CELF2: variants seen among roughly 807,000 people sequenced by gnomAD.
CELF2 encodes CUG triplet repeat RNA-binding protein 2.
CELF2 carries 8 observed loss-of-function variants against 62.6 expected under a neutral mutation model. That is an observed-to-expected ratio of 0.13 (90% CI 0.07 to 0.23). The LOEUF is 0.23. CELF2 is among the 10% of genes least tolerant of loss of function. The pLI is 1.00. For synonymous variants in CELF2, 258 were observed against 250.0 expected (o/e 1.03, Z -0.30); for missense variants, 333 against 671.0 (o/e 0.50, Z 5.56).
chr10:10,589,149 C>G, the CELF2 span, among the ~76,000 whole-genome samples: 2 of 152,128 alleles, frequency 1.3e-5, no homozygotes, highest in Non-Finnish European at 2.9e-5. Flanking sequence ...GGCAGGACAA[C>G]TGGAAGTGGG....
At chr10:10,744,652 G>A in the CELF2 span, among the ~76,000 whole-genome samples, 2 of 151,834 alleles carry the variant, frequency 1.3e-5, no homozygotes, top group Non-Finnish European at 1.5e-5. Flanking sequence ...GCATTTATCT[G>A]TGACTATTAT....
intron 1 of CELF2, among the ~76,000 whole-genome samples, chr10:11,094,318 G>T (rs1690734687): frequency 6.6e-6 from 1 of 152,202 alleles, no homozygotes; most frequent in African/African-American, 2.4e-5. Flanking sequence ...CATGGCGTTG[G>T]AAGAAAAGTT....
the CELF2 span, among the ~76,000 whole-genome samples, chr10:10,755,402 C>T: frequency 4.9e-4 from 75 of 152,274 alleles, no homozygotes; most frequent in African/African-American, 1.7e-3. Flanking sequence ...TCAACAATAC[C>T]GGCATTTACT....
At chr10:10,694,973 C>T in the CELF2 span, among the ~76,000 whole-genome samples, 1 of 151,060 alleles carries the variant, frequency 6.6e-6, no homozygotes, top group Admixed American at 6.6e-5. Context: ...TCCAATTTGC[C>T]AGTCTGTGTC....
the CELF2 span, among the ~76,000 whole-genome samples, chr10:10,763,891 A>G: frequency 1.3e-5 from 2 of 152,218 alleles, no homozygotes; most frequent in African/African-American, 4.8e-5. Context: ...TACTCTCTTT[A>G]GTGACTCTCT....
the CELF2 span, among the ~76,000 whole-genome samples, chr10:10,690,882 AAAAC>A: frequency 7.2e-5 from 11 of 152,282 alleles, no homozygotes; most frequent in East Asian, 2.1e-3. Flanking sequence ...CTGTCTCGAA[AAAAC>A]AAACAAATAC....
At chr10:11,264,166 G>A (rs541469450) in intron 5 of CELF2, among the ~76,000 whole-genome samples, 5 of 152,176 alleles carry the variant, frequency 3.3e-5, no homozygotes, top group East Asian at 3.8e-4. Context: ...TTAATTGCAC[G>A]GTTGTTAGAG....
chr10:10,755,736 C>T, the CELF2 span, among the ~76,000 whole-genome samples: 18 of 152,316 alleles, frequency 1.2e-4, no homozygotes, highest in Admixed American at 9.8e-4. Flanking sequence ...GATCTTAGTA[C>T]AGTCACTCTT....
the CELF2 span, among the ~76,000 whole-genome samples, chr10:10,522,631 G>A: frequency 3.9e-4 from 59 of 152,238 alleles, no homozygotes; most frequent in South Asian, 6.2e-4. Flanking sequence ...ATGCAATGGC[G>A]CAATCTTGGC....
the CELF2 span, among the ~76,000 whole-genome samples, chr10:10,595,433 A>C: frequency 9.2e-5 from 14 of 152,336 alleles, no homozygotes; most frequent in African/African-American, 2.9e-4. Flanking sequence ...TGATAAGGAC[A>C]TACTGAAAGT....
intron 1 of CELF2, among the ~76,000 whole-genome samples, chr10:11,020,522 C>T (rs1432623569): frequency 6.6e-6 from 1 of 151,912 alleles, no homozygotes; most frequent in Non-Finnish European, 1.5e-5. Context: ...GATAGCCATG[C>T]GGATTTATTG....
intron 1 of CELF2, among the ~76,000 whole-genome samples, chr10:11,078,494 G>A (rs537539330): frequency 2.6e-5 from 4 of 152,210 alleles, no homozygotes; most frequent in African/African-American, 9.6e-5. Context: ...TCATTTTAAT[G>A]CTTGACCCAT....
At chr10:10,926,356 T>C (rs978649231) in intron 2 of CELF2, among the ~76,000 whole-genome samples, 1 of 152,152 alleles carries the variant, frequency 6.6e-6, no homozygotes, top group African/African-American at 2.4e-5. Flanking sequence ...GAGGACCCAA[T>C]GTTTGTCTTC....
chr10:10,520,370 C>A, the CELF2 span, among the ~76,000 whole-genome samples: 1 of 152,128 alleles, frequency 6.6e-6, no homozygotes, highest in Non-Finnish European at 1.5e-5. Flanking sequence ...GTCCAGCCTC[C>A]AGGGTTAGGG....
intron 1 of CELF2, among the ~76,000 whole-genome samples, chr10:11,158,661 G>A (rs1450039288): frequency 1.3e-5 from 2 of 152,156 alleles, no homozygotes; most frequent in East Asian, 3.9e-4. Flanking sequence ...CCTTTTACTA[G>A]CAGTCACATT....
chr10:11,098,843 G>A lies in CELF2; in HGVS notation c.75-66643G>A, dbSNP rs963417158. Reference sequence around the variant, plus strand: ...TCTGCACCGGGTGATAATTCTACCTGGGCAGCAGGCCACGCGTGAGAGCAG... The same window carrying A: ...TCTGCACCGGGTGATAATTCTACCTAGGCAGCAGGCCACGCGTGAGAGCAG... On this transcript the variant is annotated intron_variant, in intron 1 of 12. Coordinates refer to ENST00000633077, the MANE Select transcript of CELF2 (RefSeq NM_001326342.2). This position sits in a 1 kb window ranked among gnomAD's most constrained non-coding sequence, Gnocchi z 4.0. Among the ~76,000 whole-genome samples the A allele has an allele frequency of 2.6e-5, 4 of 152,154 alleles. No individual in the cohort carries two copies. The highest frequency in any genetic ancestry group is 2.6e-4 in the Admixed American group (4 of 15,276).
At chr10:11,038,614 C>G (rs1337690527) in intron 1 of CELF2, among the ~76,000 whole-genome samples, 1 of 152,094 alleles carries the variant, frequency 6.6e-6, no homozygotes, top group African/African-American at 2.4e-5. Flanking sequence ...CAGTACACCA[C>G]TATAAAAATG....
At chr10:11,281,913 T>G (rs1208667016) in intron 8 of CELF2, among the ~76,000 whole-genome samples, 1 of 152,162 alleles carries the variant, frequency 6.6e-6, no homozygotes, top group Non-Finnish European at 1.5e-5. Context: ...ACAAAATTCG[T>G]ACTGGCCCCA....
At chr10:10,506,032 A>G in the CELF2 span, among the ~76,000 whole-genome samples, 1 of 152,200 alleles carries the variant, frequency 6.6e-6, no homozygotes, top group Non-Finnish European at 1.5e-5. Flanking sequence ...GGAATAAGGA[A>G]AAGTGTGTCT....
Sources: gnomAD v4.1 joint callset for allele counts (sites outside exome capture counted in the v4.1 genomes callset) on GRCh38, gnomAD v4.1.1 for gene constraint, Gnocchi (gnomAD v3.1) non-coding constraint, MANE v1.5 for transcripts, NCBI Gene and HGNC (gene_info 2026-07-23, HGNC 2026-07-21) for gene names.